SOS1: variants seen among roughly 807,000 people sequenced by gnomAD.
SOS1 encodes SOS Ras/Rac guanine nucleotide exchange factor 1, also known as son of sevenless homolog 1.
In SOS1, 25 loss-of-function variants were observed where a neutral mutation model predicts 157.6. That is an observed-to-expected ratio of 0.16 (90% CI 0.12 to 0.22). The LOEUF (loss-of-function observed/expected upper bound fraction) is 0.22. SOS1 is among the 10% of genes least tolerant of loss of function. The probability of loss-of-function intolerance (pLI) is 1.00; values close to 1 mark genes in which losing one functional copy is unlikely to be tolerated. For missense variants in SOS1, 1,237 were observed against 1,599.1 expected (o/e 0.77, Z 3.86); for synonymous variants, 528 against 534.0 (o/e 0.99, Z 0.16).
rs1311034411 is a variant in SOS1 at position 39,115,402 on chromosome 2, CTCTCTTTTTTT to C, written c.87+4923_87+4933del. ...TTGTCATTTGTATCAAATTTGTTCT[CTCTCTTTTTTT>C]TTTTTTTTTTTTTTTTTTTGAGACA... is the stretch of plus-strand genomic sequence containing the variant. On this transcript the variant is annotated intron_variant, in intron 1 of 22. Transcript: ENST00000402219. 1.5e-3 allele frequency among the ~76,000 whole-genome samples: 152 copies of C among 99,588 alleles called. 5 individuals carry two copies. The East Asian group carries it at 0.033, about 22-fold the overall frequency. The allele number at this position is 99,588 out of a possible 152,430, so 65.3% of individuals were successfully genotyped here.
chr2:39,075,971 A>G (rs1355826325), intron 1 of SOS1, among the ~76,000 whole-genome samples: 2 of 152,244 alleles, frequency 1.3e-5, no homozygotes, highest in Non-Finnish European at 2.9e-5. Flanking sequence ...ATCTTCCCAC[A>G]AAGAATGTAA....
intron 1 of SOS1, among the ~76,000 whole-genome samples, chr2:39,094,564 G>C (rs1437090203): frequency 6.6e-6 from 1 of 152,112 alleles, no homozygotes; most frequent in Non-Finnish European, 1.5e-5. Flanking sequence ...AGAACTGCTT[G>C]AACCCGGGAG....
At chr2:39,100,771 T>C (rs541873751) in intron 1 of SOS1, among the ~76,000 whole-genome samples, 7 of 151,722 alleles carry the variant, frequency 4.6e-5, no homozygotes, top group South Asian at 2.1e-4. Context: ...TAAAGAAAAA[T>C]AGCTGGGTGT....
At chr2:39,089,802 A>C (rs561506824) in intron 1 of SOS1, among the ~76,000 whole-genome samples, 1 of 151,670 alleles carries the variant, frequency 6.6e-6, no homozygotes, top group East Asian at 2.0e-4. Flanking sequence ...TGAGATCTGA[A>C]TCTCACTCTT....
intron 1 of SOS1, among the ~76,000 whole-genome samples, chr2:39,095,275 C>T (rs2148194766): frequency 6.6e-6 from 1 of 152,288 alleles, no homozygotes; most frequent in East Asian, 1.9e-4. Context: ...GTTTATATCT[C>T]AGAGAATTCT....
At chr2:39,010,485 G>T in intron 15 of SOS1, 99 bp downstream of exon 15, 1 of 1,144,768 alleles carries the variant, frequency 8.7e-7, no homozygotes, top group South Asian at 1.3e-5. Context: ...CTATGTGACA[G>T]AGCAAAACTC....
intron 1 of SOS1, among the ~76,000 whole-genome samples, chr2:39,091,088 C>G (rs897414259): frequency 6.6e-6 from 1 of 152,164 alleles, no homozygotes; most frequent in Non-Finnish European, 1.5e-5. Flanking sequence ...AGGCTGGTCT[C>G]AAACCCCTGA....
intron 10 of SOS1, among the ~76,000 whole-genome samples, chr2:39,019,809 A>G (rs1669740559): frequency 6.6e-6 from 1 of 151,664 alleles, no homozygotes; most frequent in South Asian, 2.1e-4. Context: ...GTGTATCTAT[A>G]GTCAGAGCTT....
At chr2:39,073,772 T>C (rs1185347472) in intron 1 of SOS1, among the ~76,000 whole-genome samples, 1 of 152,192 alleles carries the variant, frequency 6.6e-6, no homozygotes, top group Admixed American at 6.5e-5. Flanking sequence ...TGCCAGAAAA[T>C]ACTCTGTTGA....
intron 8 of SOS1, chr2:39,034,894 T>C (rs1249339957): frequency 2.1e-6 from 1 of 478,596 alleles, no homozygotes; most frequent in Middle Eastern, 3.1e-4. Context: ...TTTCAAAGAA[T>C]CAGCCATGTA....
chr2:39,073,899 T>C (rs1671871166), intron 1 of SOS1, among the ~76,000 whole-genome samples: 1 of 152,224 alleles, frequency 6.6e-6, no homozygotes, highest in African/African-American at 2.4e-5. Context: ...TATTTAAAAA[T>C]ATAAAGACAG....
Position 39,013,894 on chromosome 2 carries a change from T to C in SOS1, c.2036A>G (p.Lys679Arg). Residue 679 changes from lysine to arginine, a missense_variant, in exon 12 of 23, where the codon AAA (lysine) becomes AGA (arginine). Around this residue, in one of 15 missense-constraint regions of SOS1, gnomAD observed 42 missense variants for 80.4 expected, o/e 0.52. Transcript: ENST00000402219. Reference protein sequence around the residue: ...PLSAELKRFRKEYIQPVQLRV... With the variant: ...PLSAELKRFRREYIQPVQLRV... ...CAGTTGCACAGGCTGTATATATTCT[T>C]TTCTAAATCTTTTCAGTTCTGCACT... 6.2e-7 allele frequency: 1 copy of C among 1,609,740 alleles called. No individual in the cohort carries two copies. The highest frequency in any genetic ancestry group is 8.5e-7 in the Non-Finnish European group (1 of 1,176,346).
intron 11 of SOS1, 36 bp downstream of exon 11, chr2:39,014,729 A>C: frequency 8.5e-7 from 1 of 1,172,908 alleles, no homozygotes; most frequent in Non-Finnish European, 1.3e-6. Flanking sequence ...TTTTAACAAA[A>C]AATAATGAAT....
chr2:39,058,825 C>G, intron 2 of SOS1, 21 bp from the exon 3 acceptor site: 1 of 1,596,808 alleles, frequency 6.3e-7, no homozygotes, highest in Non-Finnish European at 8.6e-7. Context: ...AGGAAAATAA[C>G]AACTAAGCAA....
intron 17 of SOS1, among the ~76,000 whole-genome samples, chr2:39,004,259 C>CA (rs1157447841): frequency 2.0e-5 from 3 of 151,678 alleles, no homozygotes; most frequent in East Asian, 1.9e-4. Flanking sequence ...ACTAAAAATA[C>CA]AAAAAAGAAA....
chr2:39,014,136 G>T, intron 11 of SOS1, 147 bp from the exon 12 acceptor site: 1 of 604,266 alleles, frequency 1.7e-6, no homozygotes, highest in Non-Finnish European at 2.9e-6. Context: ...AAACAAGTGA[G>T]ACTCCTATAG....
chr2:39,014,903 C>T (rs1669583174), intron 10 of SOS1, 57 bp from the exon 11 acceptor site: 2 of 942,512 alleles, frequency 2.1e-6, no homozygotes, highest in Non-Finnish European at 3.5e-6. Context: ...ATGATTAAAA[C>T]TGTTATGTAC....
intron 6 of SOS1, among the ~76,000 whole-genome samples, chr2:39,037,184 G>C (rs961369838): frequency 6.6e-6 from 1 of 152,134 alleles, no homozygotes; most frequent in African/African-American, 2.4e-5. Context: ...ACCAGAAATT[G>C]GAGTCTATTA....
At chr2:39,094,992 T>C (rs1672720693) in intron 1 of SOS1, among the ~76,000 whole-genome samples, 1 of 152,052 alleles carries the variant, frequency 6.6e-6, no homozygotes, top group Non-Finnish European at 1.5e-5. Flanking sequence ...ATAATACAAA[T>C]AAAAGTAGGG....
Sources: gnomAD v4.1 joint callset for allele counts (sites outside exome capture counted in the v4.1 genomes callset) on GRCh38, gnomAD v4.1.1 for gene constraint, gnomAD v4.1.1 regional missense constraint, MANE v1.5 for transcripts, NCBI Gene and HGNC (gene_info 2026-07-23, HGNC 2026-07-21) for gene names.